ZFYVE1: variants seen among roughly 807,000 people sequenced by gnomAD.
ZFYVE1 encodes the protein zinc finger FYVE domain-containing protein 1.
ZFYVE1 carries 30 observed loss-of-function variants against 74.4 expected under a neutral mutation model. The observed-to-expected ratio is 0.40, with a 90% CI of 0.30 to 0.55. The LOEUF is 0.55. Among genes scored for constraint, ZFYVE1 ranks in the 20% least tolerant of loss-of-function variants. ZFYVE1 has a pLI of 0.42. For missense variants in ZFYVE1, 703 were observed against 1,011.6 expected (o/e 0.69, Z 4.14); for synonymous variants, 335 against 385.1 (o/e 0.87, Z 1.52).
chr14:73,003,616 A>G (rs945515684), intron 2 of ZFYVE1, among the ~76,000 whole-genome samples: 1 of 152,068 alleles, frequency 6.6e-6, no homozygotes, highest in African/African-American at 2.4e-5. Context: ...AGGCTGGGAC[A>G]GGAGAATCAC....
intron 4 of ZFYVE1, among the ~76,000 whole-genome samples, chr14:72,982,132 G>GCCT (rs1353951164): frequency 5.3e-5 from 8 of 152,142 alleles, no homozygotes; most frequent in African/African-American, 1.9e-4. Flanking sequence ...TCCCCTAATT[G>GCCT]CCTTGCAGGT....
chr14:72,971,602 G>A (rs919981968), intron 11 of ZFYVE1, among the ~76,000 whole-genome samples: 6 of 152,052 alleles, frequency 3.9e-5, no homozygotes, highest in African/African-American at 1.4e-4. Context: ...TGCTGGGATT[G>A]TAGGCATAAC....
In ZFYVE1 at chr14:72,991,908, CCT is replaced by C. The variant is rs1893621207; in HGVS notation, c.1203+1233_1203+1234del. On this transcript the variant is annotated intron_variant, in intron 4 of 11. Coordinates refer to ENST00000556143, the MANE Select transcript of ZFYVE1 (RefSeq NM_021260.4). The stretch of plus-strand genomic sequence containing the variant: ...ACCTCTCTTTAAGAGGCCAAATCTC[CCT>C]CTTTTTTTTTTTTTGAGACAGCATC... Among the ~76,000 whole-genome samples the C allele has an allele frequency of 9.4e-5, 14 of 148,746 alleles. No individual in the cohort carries two copies. The South Asian group carries it at 2.9e-3, about 31-fold the overall frequency.
intron 3 of ZFYVE1, among the ~76,000 whole-genome samples, chr14:72,994,013 CA>C (rs59059738): frequency 5.3e-3 from 302 of 56,902 alleles, no homozygotes; most frequent in Admixed American, 8.5e-3. Context: ...GATTCCGTCT[CA>C]AAAAAAAAAA....
chr14:72,998,319 CAA>C lies in ZFYVE1; in HGVS notation c.484-6_484-5del, dbSNP rs3061072. 3,315 of 1,211,088 alleles carry C rather than the reference CAA, an allele frequency of 2.7e-3. 1 individual carries two copies. The highest frequency in any genetic ancestry group is 8.8e-3 in the South Asian group (343 of 39,018). 75.0% of individuals were successfully genotyped at this position (1,211,088 alleles called of 1,614,324 possible). On this transcript the variant is annotated splice_region_variant and splice_polypyrimidine_tract_variant and intron_variant, in intron 2 of 11. Coordinates refer to ENST00000556143, the MANE Select transcript of ZFYVE1 (RefSeq NM_021260.4). ...TAAAGTCTTCTTCATTTGTTACCTGCAAAAAAAAAAAAAAAGACCATGAAATA... is the reference window on the plus strand; with the variant it reads ...TAAAGTCTTCTTCATTTGTTACCTGCAAAAAAAAAAAAAGACCATGAAATA...
chr14:73,009,765 C>T (rs1894050966), intron 2 of ZFYVE1, among the ~76,000 whole-genome samples: 1 of 151,808 alleles, frequency 6.6e-6, no homozygotes. Flanking sequence ...CAAAACGAAA[C>T]AAAACAAAAC....
At chr14:72,979,148 C>A (rs1051151076) in intron 5 of ZFYVE1, 179 bp from the exon 6 acceptor site, 28 of 589,498 alleles carry the variant, frequency 4.7e-5, no homozygotes, top group Non-Finnish European at 7.8e-5. Flanking sequence ...GTTACACTTG[C>A]AATCAACAGC....
intron 4 of ZFYVE1, among the ~76,000 whole-genome samples, chr14:72,992,057 C>T (rs2140361402): frequency 6.6e-6 from 1 of 152,192 alleles, no homozygotes; most frequent in South Asian, 2.1e-4. Context: ...CAGGAGTGCG[C>T]CACCATGCCC....
chr14:73,015,176 A>G (rs1894163627), intron 2 of ZFYVE1, among the ~76,000 whole-genome samples: 1 of 146,372 alleles, frequency 6.8e-6, no homozygotes, highest in Admixed American at 7.0e-5. Flanking sequence ...GGTTGCAGTG[A>G]GTCAAGATGG....
chr14:72,978,969 C>T lies in ZFYVE1; in HGVS notation c.1311G>A (p.Gly437=). 1 of 1,613,524 alleles carries T rather than the reference C, an allele frequency of 6.2e-7. No homozygotes were observed. The highest frequency in any genetic ancestry group is 8.5e-7 in the Non-Finnish European group (1 of 1,179,554). The change falls in exon 6 of 12, where the codon GGG becomes GGA. Residue 437 remains glycine (G), a splice_region_variant and synonymous_variant. Transcript: ENST00000556143. ...GATTCATGCTTTTCTTACATCCAAC[C>T]CTGAATGAAGCCCAAAGACTGACAA... ...FTCSSLCLSC[G]VGCKKSMNHG...
chr14:73,013,152 T>G (rs1402378235), intron 2 of ZFYVE1, among the ~76,000 whole-genome samples: 2 of 152,174 alleles, frequency 1.3e-5, no homozygotes, highest in Non-Finnish European at 2.9e-5. Flanking sequence ...TTCTAGAAGC[T>G]ACCTGGAAGT....
chr14:73,025,855 A>G (rs1594873043), intron 1 of ZFYVE1, among the ~76,000 whole-genome samples: 1 of 152,106 alleles, frequency 6.6e-6, no homozygotes, highest in South Asian at 2.1e-4. Flanking sequence ...AATCTAAATC[A>G]CTAAGTGAGT....
At position 72,981,717 on chromosome 14, in the gene ZFYVE1, G is replaced by A. The variant is rs923990617; in HGVS notation, c.1310+72C>T. The A allele has an allele frequency of 8.4e-6, 12 of 1,428,328 alleles. No homozygotes were observed. In the African/African-American group the frequency reaches 1.7e-4, roughly 20 times the overall value. The allele number at this position is 1,428,328 out of a possible 1,614,324, so 88.5% of individuals were successfully genotyped here. A position where few individuals can be genotyped will look rare whatever the true frequency, so the allele number is the denominator to read the frequency against. On this transcript the variant is annotated intron_variant, in intron 5 of 11. Coordinates refer to ENST00000556143, the MANE Select transcript of ZFYVE1 (RefSeq NM_021260.4). ...CCAGGGGATCTGCATCCACACCAAAGTCTAGGAAGCACCACTCAAAGGCTC... is the reference window on the plus strand; with the variant it reads ...CCAGGGGATCTGCATCCACACCAAAATCTAGGAAGCACCACTCAAAGGCTC...
At chr14:72,995,635 A>T (rs9888613) in intron 3 of ZFYVE1, among the ~76,000 whole-genome samples, 47,598 of 151,894 alleles carry the variant, frequency 0.31, 7,717 homozygotes, top group Middle Eastern at 0.4. Context: ...GCATAAAAGT[A>T]TTGATCACAG....
rs970999362 is a variant in ZFYVE1 at position 72,979,238 on chromosome 14, G to A, written c.1311-269C>T. On this transcript the variant is annotated intron_variant, in intron 5 of 11. Coordinates refer to ENST00000556143, the MANE Select transcript of ZFYVE1 (RefSeq NM_021260.4). The stretch of plus-strand genomic sequence containing the variant: ...ATCTCAGCCGGGCACGGTGGCTCAC[G>A]TCTGTAATCCCAGTACTTTGGGAGG... The A allele has an allele frequency of 1.6e-5, 6 of 368,738 alleles. No individual in the cohort carries two copies. In the East Asian group the frequency reaches 1.7e-4, roughly 11 times the overall value. 22.8% of individuals were successfully genotyped at this position (368,738 alleles called of 1,614,324 possible).
At chr14:73,005,154 C>T (rs1160663906) in intron 2 of ZFYVE1, among the ~76,000 whole-genome samples, 1 of 152,124 alleles carries the variant, frequency 6.6e-6, no homozygotes, top group Non-Finnish European at 1.5e-5. Flanking sequence ...TAAATTCATC[C>T]TTAACACATG....
At chr14:73,025,425 G>A (rs1006322535) in intron 1 of ZFYVE1, among the ~76,000 whole-genome samples, 2 of 151,948 alleles carry the variant, frequency 1.3e-5, no homozygotes, top group African/African-American at 4.8e-5. Context: ...GCCAGGCGCA[G>A]TGGCTCACAC....
intron 2 of ZFYVE1, among the ~76,000 whole-genome samples, chr14:73,011,506 TTTTTA>T (rs765138402): frequency 4.7e-4 from 72 of 151,794 alleles, no homozygotes; most frequent in Non-Finnish European, 6.9e-4. Context: ...TTTTGTTTTA[TTTTTA>T]TTTTATTTTA....
At chr14:73,023,612 G>A (rs950803005) in intron 2 of ZFYVE1, among the ~76,000 whole-genome samples, 6 of 151,386 alleles carry the variant, frequency 4.0e-5, no homozygotes, top group African/African-American at 7.3e-5. Flanking sequence ...GTGCAGTCCC[G>A]CATCACTAAC....
Sources: allele counts gnomAD v4.1 joint callset (sites outside exome capture counted in the v4.1 genomes callset), GRCh38; gene constraint gnomAD v4.1.1; transcripts MANE v1.5; gene names NCBI Gene and HGNC (gene_info 2026-07-23, HGNC 2026-07-21).